Variants in DLGAP2 observed in about 807,000 individuals in gnomAD.
DLGAP2 encodes the protein disks large-associated protein 2.
A neutral mutation model predicts 100.3 loss-of-function variants in DLGAP2; 26 were observed. The ratio of observed to expected loss-of-function variants is 0.26; its 90% CI spans 0.19 to 0.36. The LOEUF is 0.36. Among genes scored for constraint, DLGAP2 ranks in the 10% least tolerant of loss-of-function variants. The probability of loss-of-function intolerance (pLI) is 1.00; values close to 1 mark genes in which losing one functional copy is unlikely to be tolerated. For synonymous variants in DLGAP2, 886 were observed against 630.1 expected (o/e 1.41, Z -6.08); for missense variants, 1,858 against 1,453.2 (o/e 1.28, Z -4.53).
chr8:1,266,699 A>G (rs1799457721), intron 3 of DLGAP2, among the ~76,000 whole-genome samples: 1 of 152,124 alleles, frequency 6.6e-6, no homozygotes, highest in Admixed American at 6.5e-5. Flanking sequence ...GCTTTACAAT[A>G]AAAGCATGAT....
chr8:1,528,820 A>G lies in DLGAP2; in HGVS notation c.173-19806A>G, dbSNP rs191239798. 2.6e-5 allele frequency among the ~76,000 whole-genome samples: 4 copies of G among 152,304 alleles called. No homozygotes were observed. In the East Asian group the frequency reaches 7.7e-4, roughly 29 times the overall value. On this transcript the variant is annotated intron_variant, in intron 4 of 14. Coordinates refer to ENST00000637795, the MANE Select transcript of DLGAP2 (RefSeq NM_001346810.2). Reference sequence around the variant, plus strand: ...CCTGCCATCTTAAGGAAGGACTGGGAGCTCCCCTTTTACAGAAAGCAAACA... The same window carrying G: ...CCTGCCATCTTAAGGAAGGACTGGGGGCTCCCCTTTTACAGAAAGCAAACA...
At chr8:1,641,606 C>A (rs1282884085) in intron 8 of DLGAP2, among the ~76,000 whole-genome samples, 2 of 152,116 alleles carry the variant, frequency 1.3e-5, no homozygotes, top group African/African-American at 4.8e-5. Context: ...TCTGTCTCTT[C>A]CCTGAAGTAG....
intron 2 of DLGAP2, among the ~76,000 whole-genome samples, chr8:946,453 C>CA (rs888699661): frequency 6.6e-6 from 1 of 151,622 alleles, no homozygotes; most frequent in African/African-American, 2.4e-5. Flanking sequence ...TTTGTAGAGA[C>CA]GGGGTTTCAC....
chr8:756,803 C>T (rs1172586932), intron 1 of DLGAP2, among the ~76,000 whole-genome samples: 1 of 152,158 alleles, frequency 6.6e-6, no homozygotes, highest in Non-Finnish European at 1.5e-5. Flanking sequence ...GATCTCCCGC[C>T]TCCGGTCTCT....
intron 3 of DLGAP2, among the ~76,000 whole-genome samples, chr8:1,425,847 T>G (rs1797223443): frequency 6.6e-6 from 1 of 152,018 alleles, no homozygotes; most frequent in Admixed American, 6.5e-5. Flanking sequence ...GAAGTTCAGT[T>G]CAGTGCCTGA....
intron 3 of DLGAP2, among the ~76,000 whole-genome samples, chr8:1,329,644 C>A (rs1264490464): frequency 1.3e-5 from 2 of 152,162 alleles, no homozygotes; most frequent in African/African-American, 4.8e-5. Context: ...GAACATGGGC[C>A]CTAAGTGAGG....
intron 1 of DLGAP2, chr8:740,088 C>G (rs541817723): frequency 6.6e-6 from 1 of 152,190 alleles, no homozygotes; most frequent in Non-Finnish European, 1.5e-5. Flanking sequence ...TGGAGAGGCA[C>G]AGAATGGCTT....
intron 3 of DLGAP2, among the ~76,000 whole-genome samples, chr8:1,410,436 A>C (rs1456321231): frequency 6.6e-6 from 1 of 152,152 alleles, no homozygotes; most frequent in Non-Finnish European, 1.5e-5. Flanking sequence ...CTCTCCCCTC[A>C]GTTCACATAA....
chr8:899,910 C>A (rs555060286), intron 1 of DLGAP2, among the ~76,000 whole-genome samples: 1 of 152,308 alleles, frequency 6.6e-6, no homozygotes, highest in African/African-American at 2.4e-5. Flanking sequence ...TGGGACGCCC[C>A]GTGGGACATG....
chr8:1,256,571 T>TGCTGTGTGCGTGTGCTCTCCTGCCTGGGC (rs1240352708), intron 2 of DLGAP2, among the ~76,000 whole-genome samples: 2,613 of 134,012 alleles, frequency 0.019, 123 homozygotes, highest in African/African-American at 0.079. Flanking sequence ...CCTGCCCGGG[T>TGCTGTGTGCGTGTGCTCTCCTGCCTGGGC]GCTGTGCGTG....
chr8:1,273,750 G>C (rs545580699), intron 3 of DLGAP2, among the ~76,000 whole-genome samples: 1 of 152,326 alleles, frequency 6.6e-6, no homozygotes, highest in East Asian at 1.9e-4. Flanking sequence ...GATATCTGCT[G>C]CATGTTAAAT....
chr8:885,838 C>G (rs1056097505), intron 1 of DLGAP2, among the ~76,000 whole-genome samples: 3 of 152,044 alleles, frequency 2.0e-5, no homozygotes, highest in African/African-American at 4.8e-5. Flanking sequence ...CAATGTTCAT[C>G]AGGAATATTG....
chr8:885,802 C>G (rs1274237685), intron 1 of DLGAP2, among the ~76,000 whole-genome samples: 1 of 152,054 alleles, frequency 6.6e-6, no homozygotes, highest in African/African-American at 2.4e-5. Flanking sequence ...CCTTCAATAC[C>G]TAGTTTATTG....
In DLGAP2 at chr8:1,288,560, G is replaced by GTGTGGTT. The variant is rs1306370608; in HGVS notation, c.106+29677_106+29678insTGTGGTT. Reference sequence around the variant, plus strand: ...GTTGAGTGTGTGTGTGTGTGTGTGTGGTTAGGAGGGGAACTAGTTTCAGTT... The same window carrying GTGTGGTT: ...GTTGAGTGTGTGTGTGTGTGTGTGTGTGTGGTTGTTAGGAGGGGAACTAGTTTCAGTT... On this transcript the variant is annotated intron_variant, in intron 3 of 14. Transcript: ENST00000637795. 3.1e-3 allele frequency among the ~76,000 whole-genome samples: 391 copies of GTGTGGTT among 125,836 alleles called. 11 individuals are homozygous for GTGTGGTT. Among genetic ancestry groups the GTGTGGTT allele is most frequent in the African/African-American group, 0.011 (352 of 31,250 alleles). 82.6% of individuals were successfully genotyped at this position (125,836 alleles called of 152,430 possible).
intron 3 of DLGAP2, among the ~76,000 whole-genome samples, chr8:1,441,667 A>G (rs1225920013): frequency 1.3e-5 from 2 of 149,210 alleles, no homozygotes; most frequent in African/African-American, 2.5e-5. Context: ...CAGCCTGGGC[A>G]ACATAGACTC....
At chr8:1,595,944 C>T (rs1177748792) in intron 6 of DLGAP2, among the ~76,000 whole-genome samples, 5 of 151,716 alleles carry the variant, frequency 3.3e-5, no homozygotes, top group Non-Finnish European at 4.4e-5. Flanking sequence ...CATATGTATA[C>T]ATGTGCCATG....
intron 3 of DLGAP2, among the ~76,000 whole-genome samples, chr8:1,309,402 A>T (rs1800562303): frequency 6.6e-6 from 1 of 152,188 alleles, no homozygotes; most frequent in Non-Finnish European, 1.5e-5. Context: ...TTCCAGAAAA[A>T]GCTTATCTCT....
At chr8:1,642,027 T>TC (rs1265523631) in intron 8 of DLGAP2, among the ~76,000 whole-genome samples, 3 of 29,176 alleles carry the variant, frequency 1.0e-4, no homozygotes, top group Non-Finnish European at 1.1e-4. Flanking sequence ...TGTGTCACCC[T>TC]CGACCCTGCC....
At chr8:1,282,501 C>T (rs1799837824) in intron 3 of DLGAP2, among the ~76,000 whole-genome samples, 1 of 131,662 alleles carries the variant, frequency 7.6e-6, no homozygotes, top group African/African-American at 2.8e-5. Flanking sequence ...GCACGTGAAC[C>T]ATCCAGACGT....
Sources: allele counts gnomAD v4.1 joint callset (sites outside exome capture counted in the v4.1 genomes callset), GRCh38; gene constraint gnomAD v4.1.1; transcripts MANE v1.5; gene names NCBI Gene and HGNC (gene_info 2026-07-23, HGNC 2026-07-21).